Variants in TIMP2 observed in about 807,000 individuals in gnomAD.
The protein encoded by TIMP2 is TIMP metallopeptidase inhibitor 2.
TIMP2 carries 5 observed loss-of-function variants against 24.3 expected under a neutral mutation model. The observed-to-expected ratio is 0.21, with a 90% CI of 0.11 to 0.43. The LOEUF is 0.43. TIMP2 is among the 20% of genes least tolerant of loss of function. TIMP2 has a pLI of 1.00. For missense variants in TIMP2, 221 were observed against 297.5 expected (o/e 0.74, Z 1.89); for synonymous variants, 130 against 123.2 (o/e 1.06, Z -0.37).
chr17:78,878,568 C>A (rs572165110), intron 1 of TIMP2, among the ~76,000 whole-genome samples: 72 of 152,360 alleles, frequency 4.7e-4, no homozygotes, highest in Middle Eastern at 3.4e-3. Flanking sequence ...AGCTTCCCAG[C>A]GTGCTAGCTT....
intron 1 of TIMP2, among the ~76,000 whole-genome samples, chr17:78,893,363 G>A (rs1238945349): frequency 6.8e-6 from 1 of 147,122 alleles, no homozygotes; most frequent in Non-Finnish European, 1.5e-5. Flanking sequence ...GTGTGTGCAG[G>A]GGTGTGTAGG....
intron 1 of TIMP2, chr17:78,892,476 A>G: frequency 6.5e-7 from 1 of 1,537,026 alleles, no homozygotes; most frequent in Non-Finnish European, 8.8e-7. Flanking sequence ...GGAAGGGAGC[A>G]CAAGTGCAGC....
At chr17:78,864,437 C>G (rs112457892) in intron 3 of TIMP2, among the ~76,000 whole-genome samples, 16 of 146,968 alleles carry the variant, frequency 1.1e-4, no homozygotes, top group Non-Finnish European at 1.8e-4. Flanking sequence ...GAGATAGGGT[C>G]TTGCTATATC....
Position 78,891,158 on chromosome 17 carries a change from G to C in TIMP2, c.131-17239C>G. ...AAATATACCTGCCTCGGGAGACAATGTTTGACTTCCATTTCTAAACGTGGG... is the reference window on the plus strand; with the variant it reads ...AAATATACCTGCCTCGGGAGACAATCTTTGACTTCCATTTCTAAACGTGGG... On this transcript the variant is annotated intron_variant, in intron 1 of 4. Coordinates refer to ENST00000262768, the MANE Select transcript of TIMP2 (RefSeq NM_003255.5). The surrounding 1 kb of genome is among the most constrained non-coding windows in gnomAD (Gnocchi z 4.5). The C allele has an allele frequency of 2.6e-6, 4 of 1,550,688 alleles. No homozygotes were observed. The Middle Eastern group carries it at 6.7e-4, about 259-fold the overall frequency.
intron 3 of TIMP2, among the ~76,000 whole-genome samples, chr17:78,863,284 C>T (rs2069581927): frequency 6.6e-6 from 1 of 152,092 alleles, no homozygotes; most frequent in Non-Finnish European, 1.5e-5. Flanking sequence ...GCTCTGTCGC[C>T]CAGGCTAGAG....
rs930934547 is a variant in TIMP2, at chr17:78,896,146, G to C, written c.131-22227C>G. 6.6e-6 allele frequency among the ~76,000 whole-genome samples: 1 copy of C among 152,108 alleles called. No individual in the cohort carries two copies. The highest frequency in any genetic ancestry group is 2.1e-4 in the South Asian group (1 of 4,824). ...CTCTGACACCATCAGATGCAACCTC[G>C]TCCCCGCTACCCCAGCTCTCCTTGC... On this transcript the variant is annotated intron_variant, in intron 1 of 4. Transcript: ENST00000262768. This position sits in a 1 kb window ranked among gnomAD's most constrained non-coding sequence, Gnocchi z 4.4.
chr17:78,857,669 G>A (rs1049372279), intron 3 of TIMP2, 23 bp from the exon 4 acceptor site: 7 of 1,613,636 alleles, frequency 4.3e-6, no homozygotes, highest in East Asian at 2.2e-5. Flanking sequence ...GGGGATCACC[G>A]AGCTCAGGGA....
chr17:78,860,363 G>A (rs914962795), intron 3 of TIMP2, among the ~76,000 whole-genome samples: 11 of 152,176 alleles, frequency 7.2e-5, no homozygotes, highest in South Asian at 4.1e-4. Flanking sequence ...AAGTTTCAGC[G>A]CATCTGACTT....
chr17:78,922,277 T>C (rs1453580265), intron 1 of TIMP2: 1 of 152,214 alleles, frequency 6.6e-6, no homozygotes, highest in Non-Finnish European at 1.5e-5. Context: ...GTGGGATTTG[T>C]TCCGGGACCC....
intron 3 of TIMP2, among the ~76,000 whole-genome samples, chr17:78,870,554 C>A (rs2069671667): frequency 6.6e-6 from 1 of 152,088 alleles, no homozygotes; most frequent in South Asian, 2.1e-4. Context: ...TGCATAGTAT[C>A]CACAGATGTT....
intron 1 of TIMP2, among the ~76,000 whole-genome samples, chr17:78,907,449 C>T (rs1180067382): frequency 6.6e-6 from 1 of 152,186 alleles, no homozygotes; most frequent in East Asian, 1.9e-4. Context: ...TTGGTGGAGT[C>T]GTCTGAACAC....
intron 1 of TIMP2, among the ~76,000 whole-genome samples, chr17:78,917,262 A>AT: frequency 6.6e-6 from 1 of 150,776 alleles, no homozygotes; most frequent in Admixed American, 6.6e-5. Flanking sequence ...AAAAAAAAAA[A>AT]AAAAAAAAAA....
chr17:78,862,194 G>A (rs2069572687), intron 3 of TIMP2, among the ~76,000 whole-genome samples: 1 of 152,254 alleles, frequency 6.6e-6, no homozygotes, highest in Admixed American at 6.5e-5. Flanking sequence ...CATCGGTCCA[G>A]GAGGAGGTGG....
intron 1 of TIMP2, among the ~76,000 whole-genome samples, chr17:78,916,955 G>T (rs542711113): frequency 2.4e-4 from 37 of 152,328 alleles, no homozygotes; most frequent in African/African-American, 8.4e-4. Flanking sequence ...TCCTAACCTC[G>T]GTAAGAGTCT....
intron 1 of TIMP2, among the ~76,000 whole-genome samples, chr17:78,905,389 G>T (rs139112299): frequency 6.6e-6 from 1 of 152,198 alleles, no homozygotes; most frequent in South Asian, 2.1e-4. Context: ...TTACGCAGCT[G>T]GATGGAGCCT....
rs1224929613 is a variant in TIMP2, at chr17:78,925,223, A to G, written c.-135T>C. ...CCCTCCCGCGCGGCTCACCCTCCTC[A>G]CCTGCCCCGCTCGGCCGCGCAAACT... On this transcript the variant is annotated 5_prime_UTR_variant, in exon 1 of 5. Transcript: ENST00000262768. 1.2e-5 allele frequency: 2 copies of G among 161,190 alleles called. No individual in the cohort carries two copies. Among genetic ancestry groups the G allele is most frequent in the Non-Finnish European group, 2.3e-5 (2 of 88,886 alleles). The allele number at this position is 161,190 out of a possible 1,614,324, so 10.0% of individuals were successfully genotyped here.
chr17:78,884,294 C>A (rs998643314), intron 1 of TIMP2, among the ~76,000 whole-genome samples: 3 of 152,198 alleles, frequency 2.0e-5, no homozygotes, highest in African/African-American at 7.2e-5. Context: ...GCTGCGACAG[C>A]GCGAGGTGGG....
At position 78,891,038 on chromosome 17, in the gene TIMP2, A is replaced by G. The variant is rs1332543645; in HGVS notation, c.131-17119T>C. The G allele has an allele frequency of 6.4e-7, 1 of 1,551,120 alleles. No individual in the cohort carries two copies. The highest frequency in any genetic ancestry group is 8.7e-7 in the Non-Finnish European group (1 of 1,147,112). The stretch of plus-strand genomic sequence containing the variant: ...GCCCACTCTGTCTGCCTGGTCTTGA[A>G]GGTGGAGCTGAAGGGAGCCCTCTGC... On this transcript the variant is annotated intron_variant, in intron 1 of 4. Coordinates refer to ENST00000262768, the MANE Select transcript of TIMP2 (RefSeq NM_003255.5). This position sits in a 1 kb window ranked among gnomAD's most constrained non-coding sequence, Gnocchi z 4.5.
intron 1 of TIMP2, among the ~76,000 whole-genome samples, chr17:78,886,080 C>A (rs1473506742): frequency 6.6e-6 from 1 of 152,170 alleles, no homozygotes; most frequent in Non-Finnish European, 1.5e-5. Flanking sequence ...AAAGAACCAC[C>A]CTGTCCCCTT....
Sources: allele counts gnomAD v4.1 joint callset (sites outside exome capture counted in the v4.1 genomes callset), GRCh38; gene constraint gnomAD v4.1.1; non-coding constraint Gnocchi (gnomAD v3.1); transcripts MANE v1.5; gene names NCBI Gene and HGNC (gene_info 2026-07-23, HGNC 2026-07-21).